Variants in CSMD1 observed in about 807,000 individuals in gnomAD.
CSMD1 encodes CUB and Sushi multiple domains 1, also known as CUB and sushi domain-containing protein 1.
CSMD1 carries 213 observed loss-of-function variants against 417.5 expected under a neutral mutation model. The observed-to-expected ratio is 0.51, with a 90% CI of 0.46 to 0.57. The LOEUF is 0.57. Ranked by LOEUF, CSMD1 falls within the 20% of genes least tolerant of loss-of-function variation. The pLI, the probability that CSMD1 is intolerant of heterozygous loss-of-function variation, is 0.00. For missense variants in CSMD1, 6,923 were observed against 4,529.7 expected, an observed-to-expected ratio of 1.53 and a Z score of -15.17; for synonymous variants, 2,862 against 1,736.8, an observed-to-expected ratio of 1.65 and a Z score of -16.11.
intron 17 of CSMD1, among the ~76,000 whole-genome samples, chr8:3,393,819 T>C (rs931278999): frequency 2.7e-5 from 4 of 150,558 alleles, no homozygotes; most frequent in African/African-American, 4.9e-5. Flanking sequence ...AAGGGGAACA[T>C]CACACTCTGG....
chr8:3,334,997 G>C (rs1807158840), intron 23 of CSMD1, among the ~76,000 whole-genome samples: 1 of 152,208 alleles, frequency 6.6e-6, no homozygotes, highest in African/African-American at 2.4e-5. Context: ...CCTGAAAAAA[G>C]TGAGTTAATT....
intron 3 of CSMD1, among the ~76,000 whole-genome samples, chr8:4,419,696 G>A (rs972429591): frequency 2.6e-5 from 4 of 152,026 alleles, no homozygotes; most frequent in African/African-American, 7.2e-5. Context: ...AAACTTATTC[G>A]CTACAAATTA....
intron 3 of CSMD1, among the ~76,000 whole-genome samples, chr8:4,347,219 G>C (rs762326714): frequency 1.3e-5 from 2 of 152,040 alleles, no homozygotes; most frequent in Admixed American, 1.3e-4. Context: ...GAAATACTTG[G>C]AAATTACATC....
chr8:4,765,921 T>G (rs1812433617), intron 1 of CSMD1, among the ~76,000 whole-genome samples: 1 of 152,192 alleles, frequency 6.6e-6, no homozygotes, highest in Non-Finnish European at 1.5e-5. Flanking sequence ...CCAAAAGGGT[T>G]TGAAGAATCG....
intron 1 of CSMD1, among the ~76,000 whole-genome samples, chr8:4,827,309 G>A (rs1282570806): frequency 6.6e-6 from 1 of 152,186 alleles, no homozygotes; most frequent in Non-Finnish European, 1.5e-5. Context: ...AGACCAGAAT[G>A]GTTTTCATTT....
In CSMD1 at chr8:3,377,499, C is replaced by G. The variant is rs761792136; in HGVS notation, c.2783-8129G>C. Among the ~76,000 whole-genome samples the G allele has an allele frequency of 1.2e-4, 18 of 152,242 alleles. No individual in the cohort carries two copies. In the Middle Eastern group the frequency reaches 0.014, roughly 115 times the overall value. Reference sequence around the variant, plus strand: ...TTTATTTTCTATGGAAAATGCCACCCATATAACTGGCATCCCTATAGCATC... The same window carrying G: ...TTTATTTTCTATGGAAAATGCCACCGATATAACTGGCATCCCTATAGCATC... On this transcript the variant is annotated intron_variant, in intron 18 of 69. Coordinates refer to ENST00000635120, the MANE Select transcript of CSMD1 (RefSeq NM_033225.6).
chr8:4,605,790 A>G (rs542486765), intron 2 of CSMD1, among the ~76,000 whole-genome samples: 17 of 152,334 alleles, frequency 1.1e-4, no homozygotes, highest in African/African-American at 3.4e-4. Context: ...CACCGGTCCA[A>G]TGCTCTCAAA....
At chr8:3,410,374 T>C (rs1352945739) in intron 12 of CSMD1, among the ~76,000 whole-genome samples, 1 of 152,218 alleles carries the variant, frequency 6.6e-6, no homozygotes, top group Admixed American at 6.5e-5. Context: ...ATGATTTGGC[T>C]GTGTCCCCAC....
intron 2 of CSMD1, among the ~76,000 whole-genome samples, chr8:4,459,833 C>G (rs1289507995): frequency 6.6e-6 from 1 of 152,070 alleles, no homozygotes; most frequent in African/African-American, 2.4e-5. Flanking sequence ...TGTCACTGGG[C>G]CTAGATAACT....
chr8:3,565,131 CAAAAAAAAAAAAA>C (rs869248314), intron 10 of CSMD1, among the ~76,000 whole-genome samples: 6 of 10,448 alleles, frequency 5.7e-4, no homozygotes, highest in Admixed American at 2.7e-3. Flanking sequence ...TGCAAGACAG[CAAAAAAAAAAAAA>C]AAAAAAAAAA....
chr8:4,037,763 C>T (rs1365257807), intron 3 of CSMD1, among the ~76,000 whole-genome samples: 1 of 151,992 alleles, frequency 6.6e-6, no homozygotes, highest in Non-Finnish European at 1.5e-5. Flanking sequence ...TGCAAACAGC[C>T]GTTAATAGTT....
At chr8:3,743,434 T>C (rs1267342508) in intron 6 of CSMD1, among the ~76,000 whole-genome samples, 2 of 152,170 alleles carry the variant, frequency 1.3e-5, no homozygotes, top group Non-Finnish European at 2.9e-5. Flanking sequence ...TAGAAAATAA[T>C]AAGTATTATG....
intron 1 of CSMD1, among the ~76,000 whole-genome samples, chr8:4,754,080 T>G (rs1319516052): frequency 2.6e-5 from 4 of 152,098 alleles, no homozygotes; most frequent in Non-Finnish European, 5.9e-5. Context: ...CTCACCATAT[T>G]TAGAAATGTG....
chr8:3,709,681 T>G (rs77851270), intron 6 of CSMD1, among the ~76,000 whole-genome samples: 22,527 of 71,260 alleles, frequency 0.32, 3,704 homozygotes, highest in East Asian at 0.48. Flanking sequence ...CAGCAGCATG[T>G]TTTTTTTTTT....
chr8:4,817,202 C>G (rs892815389), intron 1 of CSMD1, among the ~76,000 whole-genome samples: 1 of 152,094 alleles, frequency 6.6e-6, no homozygotes, highest in African/African-American at 2.4e-5. Context: ...TACTGTGCTC[C>G]TATATGTATA....
chr8:4,476,738 C>G (rs919175341), intron 2 of CSMD1, among the ~76,000 whole-genome samples: 1 of 152,152 alleles, frequency 6.6e-6, no homozygotes, highest in Non-Finnish European at 1.5e-5. Flanking sequence ...TTCTTAATTT[C>G]TATACCTCCG....
At chr8:4,989,464 G>A (rs57245042) in intron 1 of CSMD1, among the ~76,000 whole-genome samples, 4,576 of 152,128 alleles carry the variant, frequency 0.03, 217 homozygotes, top group African/African-American at 0.1. Flanking sequence ...GAAGATCTCC[G>A]CCTTTACACA....
chr8:4,070,030 T>G (rs1799463438), intron 3 of CSMD1, among the ~76,000 whole-genome samples: 1 of 152,192 alleles, frequency 6.6e-6, no homozygotes, highest in Admixed American at 6.5e-5. Context: ...TTTTTTTAAT[T>G]AACTTATTGG....
At chr8:3,393,564 C>T (rs898333672) in intron 17 of CSMD1, among the ~76,000 whole-genome samples, 1 of 152,014 alleles carries the variant, frequency 6.6e-6, no homozygotes, top group Admixed American at 6.6e-5. Flanking sequence ...CCCACTTTCA[C>T]AATAGCAAAG....
Sources: allele counts gnomAD v4.1 joint callset (sites outside exome capture counted in the v4.1 genomes callset), GRCh38; gene constraint gnomAD v4.1.1; transcripts MANE v1.5; gene names NCBI Gene and HGNC (gene_info 2026-07-23, HGNC 2026-07-21).